Variants in UNC80 observed in about 807,000 individuals in gnomAD.
UNC80 encodes the protein protein unc-80 homolog.
Under a neutral mutation model 384.6 loss-of-function variants are expected in UNC80, and 164 were observed. The observed-to-expected ratio is 0.43, with a 90% confidence interval of 0.38 to 0.49. The LOEUF (loss-of-function observed/expected upper bound fraction) is 0.49, where lower values mean the gene tolerates loss of function less well. UNC80 is among the 20% of genes least tolerant of loss of function. The pLI, the probability that UNC80 is intolerant of heterozygous loss-of-function variation, is 0.00. For synonymous variants in UNC80, 1,486 were observed against 1,527.8 expected (o/e 0.97, Z 0.64); for missense variants, 3,330 against 4,143.0 (o/e 0.80, Z 5.39).
rs1027383688 is a variant in UNC80, at chr2:209,978,644, C to A, written c.9054C>A (p.Asp3018Glu). The change falls in exon 59 of 65, where the codon GAC becomes GAA. Residue 3018 changes from aspartate (D) to glutamate (E), a missense_variant. By Grantham distance (45) the Asp-to-Glu change is conservative. Transcript: ENST00000673920. ...GCACGGGCACTGTCTGGGAGCAGGA[C>A]AGTGAGCCATCCCAGCAGGCTTCGC... ...NTGTGTVWEQ[D>E]SEPSQQASQD... 10 of 1,551,194 alleles carry A rather than the reference C, an allele frequency of 6.4e-6. No individual in the cohort carries two copies. Among genetic ancestry groups the A allele is most frequent in the Non-Finnish European group, 8.7e-6 (10 of 1,146,670 alleles).
chr2:209,931,030 A>T lies in UNC80; in HGVS notation c.5970A>T (p.Thr1990=). The part of the protein sequence containing the change: ...LLNIGDFPAQ[T]SHILFNYLVG... ...ATATTGGAGACTTTCCTGCTCAGAC[A>T]TCTCACATCCTATTCAACTATTTGG... is the stretch of plus-strand genomic sequence containing the variant. The change falls in exon 38 of 65, where the codon ACA becomes ACT. Residue 1990 remains threonine (T), a synonymous_variant. Coordinates refer to ENST00000673920, the MANE Select transcript of UNC80 (RefSeq NM_001371986.1). 23 of 1,550,514 alleles carry T rather than the reference A, an allele frequency of 1.5e-5. No homozygotes were observed. The highest frequency in any genetic ancestry group is 2.0e-5 in the Non-Finnish European group (23 of 1,146,174).
At chr2:209,958,525 C>T (rs1448007055) in intron 49 of UNC80, among the ~76,000 whole-genome samples, 1 of 152,084 alleles carries the variant, frequency 6.6e-6, no homozygotes, top group Non-Finnish European at 1.5e-5. Context: ...AAAAATAAAA[C>T]AAAAATAAAT....
intron 5 of UNC80, among the ~76,000 whole-genome samples, chr2:209,789,096 G>A (rs2077636786): frequency 6.6e-6 from 1 of 152,106 alleles, no homozygotes; most frequent in South Asian, 2.1e-4. Flanking sequence ...ATGTGTAGGT[G>A]GCCATACCAT....
At position 209,976,245 on chromosome 2, in the gene UNC80, T is replaced by A; in HGVS notation, c.8714T>A (p.Phe2905Tyr). The stretch of plus-strand genomic sequence containing the variant: ...CTGGCCCTTTGGGATTTCCTCGACT[T>A]CATCGTGCGGACCCGAATACCCATC... The part of the protein sequence containing the change: ...GGLALWDFLD[F>Y]IVRTRIPIFV... Residue 2905 changes from phenylalanine (F) to tyrosine (Y), a missense_variant, in exon 57 of 65, where the codon TTC (phenylalanine) becomes TAC (tyrosine). Coordinates refer to ENST00000673920, the MANE Select transcript of UNC80 (RefSeq NM_001371986.1). This position sits in a 1 kb window ranked among gnomAD's most constrained non-coding sequence, Gnocchi z 4.3. The A allele has an allele frequency of 6.4e-7, 1 of 1,551,738 alleles. No individual in the cohort carries two copies. The highest frequency in any genetic ancestry group is 2.0e-5 in the Admixed American group (1 of 51,004).
intron 22 of UNC80, among the ~76,000 whole-genome samples, chr2:209,855,973 T>G (rs561081338): frequency 1.3e-5 from 2 of 152,242 alleles, no homozygotes; most frequent in Admixed American, 1.3e-4. Flanking sequence ...TGGGTCTCTA[T>G]TCATATATAG....
chr2:209,931,819 A>G (rs76358525), intron 38 of UNC80, among the ~76,000 whole-genome samples: 10,852 of 152,202 alleles, frequency 0.071, 849 homozygotes, highest in African/African-American at 0.19. Context: ...TGGTTGGCAA[A>G]GGAAAAAAAT....
chr2:209,817,798 C>G lies in UNC80; in HGVS notation c.1553-14C>G, dbSNP rs2153827615. Reference sequence around the variant, plus strand: ...TTTTAAAACCCTCTTGTGGGGTGCTCTTATTCATCCCAGGGAAATTGACCC... The same window carrying G: ...TTTTAAAACCCTCTTGTGGGGTGCTGTTATTCATCCCAGGGAAATTGACCC... On this transcript the variant is annotated splice_polypyrimidine_tract_variant and intron_variant, in intron 10 of 64. Transcript: ENST00000673920. 6.4e-7 allele frequency: 1 copy of G among 1,551,488 alleles called. No individual in the cohort carries two copies. The highest frequency in any genetic ancestry group is 8.7e-7 in the Non-Finnish European group (1 of 1,146,906).
At chr2:209,781,595 T>C (rs1443818962) in intron 4 of UNC80, among the ~76,000 whole-genome samples, 1 of 152,222 alleles carries the variant, frequency 6.6e-6, no homozygotes, top group East Asian at 1.9e-4. Context: ...CTTGCATCTC[T>C]GACTCTGTCT....
intron 7 of UNC80, among the ~76,000 whole-genome samples, chr2:209,804,684 T>G (rs1354558046): frequency 6.6e-6 from 1 of 151,650 alleles, no homozygotes; most frequent in African/African-American, 2.4e-5. Context: ...AGAAGTTATA[T>G]ATATATATAT....
Position 209,936,844 on chromosome 2 carries a change from G to C in UNC80, c.6274G>C (p.Glu2092Gln). The C allele has an allele frequency of 6.5e-7, 1 of 1,541,868 alleles. No individual in the cohort carries two copies. The highest frequency in any genetic ancestry group is 8.8e-7 in the Non-Finnish European group (1 of 1,138,230). Residue 2092 changes from glutamate to glutamine, a missense_variant and splice_region_variant, in exon 41 of 65, where the codon GAG becomes CAG. Coordinates refer to ENST00000673920, the MANE Select transcript of UNC80 (RefSeq NM_001371986.1). The stretch of plus-strand genomic sequence containing the variant: ...TTAAAATTTGTTGCTATTGTTCTAG[G>C]AGTGTCTGGAGTTTTTTAATATCCC... ...EDTQFEALLK[E>Q]CLEFFNIPES...
chr2:209,800,755 T>A (rs1007025412), intron 7 of UNC80, among the ~76,000 whole-genome samples: 1 of 152,228 alleles, frequency 6.6e-6, no homozygotes, highest in African/African-American at 2.4e-5. Context: ...TGGTACGTTG[T>A]CTCTTTGTTC....
Position 209,998,509 on chromosome 2 carries a change from G to A in UNC80, c.*2914G>A, listed in dbSNP as rs1324516866. On this transcript the variant is annotated 3_prime_UTR_variant, in exon 65 of 65. Transcript: ENST00000673920. The stretch of plus-strand genomic sequence containing the variant: ...TTAGGGCCTGTTGCACAGGCTGGGA[G>A]TAACTGGTTTGCTGTTTCAAGCCTC... 1 of 152,244 alleles carries A rather than the reference G, an allele frequency of 6.6e-6. No homozygotes were observed. The highest frequency in any genetic ancestry group is 1.9e-4 in the East Asian group (1 of 5,194). 9.4% of individuals were successfully genotyped at this position (152,244 alleles called of 1,614,324 possible).
intron 2 of UNC80, 69 bp from the exon 3 acceptor site, chr2:209,775,820 C>T (rs2153824556): frequency 6.6e-7 from 1 of 1,516,092 alleles, no homozygotes; most frequent in South Asian, 1.2e-5. Context: ...TAACCAGAAT[C>T]TTCAATTTCT....
intron 26 of UNC80, among the ~76,000 whole-genome samples, chr2:209,892,876 G>A (rs1252631658): frequency 1.3e-5 from 2 of 152,152 alleles, no homozygotes; most frequent in Non-Finnish European, 2.9e-5. Flanking sequence ...TGTGGGATTT[G>A]TCTAACTGTG....
chr2:209,826,115 A>G, intron 14 of UNC80, 62 bp downstream of exon 14: 1 of 1,464,396 alleles, frequency 6.8e-7, no homozygotes, highest in Non-Finnish European at 9.1e-7. Flanking sequence ...TTTAAGAATG[A>G]GTCCTTTGAC....
chr2:209,985,135 T>C (rs1169577133), intron 61 of UNC80, among the ~76,000 whole-genome samples: 1 of 152,220 alleles, frequency 6.6e-6, no homozygotes, highest in Non-Finnish European at 1.5e-5. Flanking sequence ...CAAGTAAGCC[T>C]GAAAAGCTTA....
intron 46 of UNC80, among the ~76,000 whole-genome samples, chr2:209,945,451 G>A (rs1489656881): frequency 6.6e-6 from 1 of 152,096 alleles, no homozygotes; most frequent in African/African-American, 2.4e-5. Flanking sequence ...CTGTAGCACT[G>A]CAGTTTTCAG....
At chr2:209,808,767 T>TTCTGCGCTACTCAGCGATCTCGTTGCC in intron 7 of UNC80, 1 of 59,216 alleles carries the variant, frequency 1.7e-5, no homozygotes, top group Non-Finnish European at 2.9e-5. Flanking sequence ...CCTGCGCTAC[T>TTCTGCGCTACTCAGCGATCTCGTTGCC]TCTGCGCTAC....
chr2:209,988,250 T>A (rs2093328655), intron 61 of UNC80, among the ~76,000 whole-genome samples: 5 of 152,172 alleles, frequency 3.3e-5, no homozygotes, highest in Non-Finnish European at 7.3e-5. Context: ...ATGCTGCATG[T>A]CTTTTGTGCC....
Sources: gnomAD v4.1 joint callset for allele counts (sites outside exome capture counted in the v4.1 genomes callset) on GRCh38, gnomAD v4.1.1 for gene constraint, Gnocchi (gnomAD v3.1) non-coding constraint, MANE v1.5 for transcripts, NCBI Gene and HGNC (gene_info 2026-07-23, HGNC 2026-07-21) for gene names.